CYP4F3: variants seen among roughly 807,000 people sequenced by gnomAD.
CYP4F3 encodes the protein cytochrome P450 4F3.
CYP4F3 carries 50 observed loss-of-function variants against 54.8 expected under a neutral mutation model. The observed-to-expected ratio is 0.91, with a 90% CI of 0.73 to 1.16. The LOEUF is 1.16. Ranked by LOEUF, CYP4F3 falls within the 50% of genes most tolerant of loss-of-function variation. The pLI, the probability that CYP4F3 is intolerant of heterozygous loss-of-function variation, is 0.00. For synonymous variants in CYP4F3, 244 were observed against 262.6 expected, an observed-to-expected ratio of 0.93 and a Z score of 0.69; for missense variants, 715 against 676.2, an observed-to-expected ratio of 1.06 and a Z score of -0.64.
chr19:15,645,214 C>A (rs769388687), intron 2 of CYP4F3, among the ~76,000 whole-genome samples: 1 of 152,228 alleles, frequency 6.6e-6, no homozygotes, highest in Non-Finnish European at 1.5e-5. Flanking sequence ...CCAGAAAAGG[C>A]CCATGATTTA....
intron 9 of CYP4F3, 105 bp downstream of exon 9, chr19:15,653,057 C>T (rs1429878435): frequency 6.8e-7 from 1 of 1,465,232 alleles, no homozygotes; most frequent in Admixed American, 2.3e-5. Context: ...GCCACTATTG[C>T]TTAGTGGGAA....
intron 5 of CYP4F3, among the ~76,000 whole-genome samples, chr19:15,648,275 C>T (rs1305132443): frequency 6.6e-6 from 1 of 151,932 alleles, no homozygotes; most frequent in Non-Finnish European, 1.5e-5. Context: ...TGTTAGATTG[C>T]ACTTCTTCTC....
chr19:15,645,886 C>A, intron 3 of CYP4F3, 23 bp downstream of exon 3: 1 of 1,582,814 alleles, frequency 6.3e-7, no homozygotes, highest in South Asian at 1.2e-5. Context: ...CTGGCCACTC[C>A]AGGTAGACAC....
At chr19:15,658,863 G>A in intron 12 of CYP4F3, 54 bp downstream of exon 12, 1 of 1,590,944 alleles carries the variant, frequency 6.3e-7, no homozygotes, top group Non-Finnish European at 8.6e-7. Context: ...CAGGGGTCTG[G>A]GCATGACAGT....
chr19:15,645,663 C>T lies in CYP4F3; in HGVS notation c.199-56C>T, dbSNP rs552368186. Reference sequence around the variant, plus strand: ...GGGCTTCCACCTCTTCCCTGCAGATCCTTCTCTCTCGCAGCCTAGGAGAGC... The same window carrying T: ...GGGCTTCCACCTCTTCCCTGCAGATTCTTCTCTCTCGCAGCCTAGGAGAGC... On this transcript the variant is annotated intron_variant, in intron 2 of 12. Transcript: ENST00000221307. 3.9e-6 allele frequency: 6 copies of T among 1,528,832 alleles called. No individual in the cohort carries two copies. In the East Asian group the frequency reaches 9.2e-5, roughly 23 times the overall value. 94.7% of individuals were successfully genotyped at this position (1,528,832 alleles called of 1,614,324 possible). A position where few individuals can be genotyped will look rare whatever the true frequency, so the allele number is the denominator to read the frequency against.
intron 9 of CYP4F3, among the ~76,000 whole-genome samples, chr19:15,654,498 C>T (rs1334778349): frequency 1.3e-5 from 2 of 152,194 alleles, no homozygotes; most frequent in Non-Finnish European, 2.9e-5. Flanking sequence ...AACTCAAATT[C>T]GTACCCATTA....
intron 5 of CYP4F3, among the ~76,000 whole-genome samples, chr19:15,648,110 C>T (rs369261563): frequency 3.3e-5 from 5 of 151,852 alleles, no homozygotes; most frequent in South Asian, 2.1e-4. Context: ...AGAATTGGGG[C>T]GAAGGTTTTG....
chr19:15,658,347 G>T lies in CYP4F3; in HGVS notation c.1199G>T (p.Arg400Leu). 1 of 1,614,102 alleles carries T rather than the reference G, an allele frequency of 6.2e-7. No homozygotes were observed. Among genetic ancestry groups the T allele is most frequent in the Non-Finnish European group, 8.5e-7 (1 of 1,180,014 alleles). The change falls in exon 10 of 13, where the codon CGC (arginine) becomes CTC (leucine). Residue 400 changes from arginine to leucine, a missense_variant. Transcript: ENST00000221307. ...CATCCCCCAGTCCCTGCCGTCTCTC[G>T]CTGCTGCACCCAAGACATTGTGCTC... ...RLHPPVPAVS[R>L]CCTQDIVLPD...
In CYP4F3 at chr19:15,660,552, G is replaced by A. The variant is rs1973159330; in HGVS notation, c.*1167G>A. The A allele has an allele frequency of 1.2e-5, 1 of 81,140 alleles. No individual in the cohort carries two copies. Among genetic ancestry groups the A allele is most frequent in the Non-Finnish European group, 2.4e-5 (1 of 42,436 alleles). 5.0% of individuals were successfully genotyped at this position (81,140 alleles called of 1,614,324 possible). A position where few individuals can be genotyped will look rare whatever the true frequency, so the allele number is the denominator to read the frequency against. ...CTGGACGTTAACTCTCTTGCTCAAG[G>A]TCACTCTGAGTGGAAGAGTGGGGAT... On this transcript the variant is annotated 3_prime_UTR_variant, in exon 13 of 13. Coordinates refer to ENST00000221307, the MANE Select transcript of CYP4F3 (RefSeq NM_000896.3).
chr19:15,659,074 C>T (rs900558081), intron 12 of CYP4F3, 146 bp from the exon 13 acceptor site: 54 of 1,274,458 alleles, frequency 4.2e-5, no homozygotes, highest in Admixed American at 8.1e-5. Flanking sequence ...TATGCAAGCC[C>T]ACATGGGGAT....
chr19:15,658,706 C>A (rs1047458729), intron 11 of CYP4F3, 21 bp from the exon 12 acceptor site: 26 of 1,613,542 alleles, frequency 1.6e-5, no homozygotes, highest in Non-Finnish European at 2.2e-5. Context: ...ACCCGGCAAC[C>A]CTTCTTGGTC....
In CYP4F3 at chr19:15,659,290, C is replaced by T. The variant is rs1015611972; in HGVS notation, c.1468C>T (p.Arg490Cys). ...CCTGGGGCTCACGCTGCTGCGCTTC[C>T]GCGTCCTGCCTGACCACACCGAGCC... is the stretch of plus-strand genomic sequence containing the variant. ...VVLGLTLLRF[R>C]VLPDHTEPRR... Residue 490 changes from arginine (R) to cysteine (C), a missense_variant, in exon 13 of 13, where the codon CGC becomes TGC. Physicochemically the swap from Arg to Cys is radical, Grantham distance 180. Coordinates refer to ENST00000221307, the MANE Select transcript of CYP4F3 (RefSeq NM_000896.3). 12 of 1,613,470 alleles carry T rather than the reference C, an allele frequency of 7.4e-6. No homozygotes were observed. The Admixed American group carries it at 1.0e-4, about 13-fold the overall frequency.
rs28371536 is a variant in CYP4F3, at chr19:15,650,073, G to A, written c.808G>A (p.Val270Ile). The change falls in exon 7 of 13, where the codon GTC becomes ATC. Residue 270 changes from valine (V) to isoleucine (I), a missense_variant. Val to Ile is a conservative substitution (Grantham distance 29). Transcript: ENST00000221307. ...CRLVHDFTDAVIQERRRTLPS... is the reference protein window; with the variant it reads ...CRLVHDFTDAIIQERRRTLPS... Reference sequence around the variant, plus strand: ...CCTGGTGCACGACTTCACAGATGCCGTCATCCAGGAGCGGCGCCGCACCCT... The same window carrying A: ...CCTGGTGCACGACTTCACAGATGCCATCATCCAGGAGCGGCGCCGCACCCT... 8.1e-3 allele frequency: 13,016 copies of A among 1,614,152 alleles called. 60 individuals carry two copies. Among genetic ancestry groups the A allele is most frequent in the Non-Finnish European group, 9.5e-3 (11,241 of 1,180,012 alleles).
rs1032893108 is a variant in CYP4F3, at chr19:15,662,100, G to C, written c.*2715G>C. The C allele has an allele frequency of 6.6e-6, 1 of 151,588 alleles. No individual in the cohort carries two copies. The highest frequency in any genetic ancestry group is 6.6e-5 in the Admixed American group (1 of 15,216). The allele number at this position is 151,588 out of a possible 1,614,324, so 9.4% of individuals were successfully genotyped here. On this transcript the variant is annotated 3_prime_UTR_variant, in exon 13 of 13. Coordinates refer to ENST00000221307, the MANE Select transcript of CYP4F3 (RefSeq NM_000896.3). Reference sequence around the variant, plus strand: ...AGCCTGGCCAATATGGTGAAACCACGTCTCTATTAAAAATAGAAAAATTAG... The same window carrying C: ...AGCCTGGCCAATATGGTGAAACCACCTCTCTATTAAAAATAGAAAAATTAG...
chr19:15,656,761 T>C (rs1973035916), intron 9 of CYP4F3, among the ~76,000 whole-genome samples: 1 of 94,710 alleles, frequency 1.1e-5, no homozygotes, highest in African/African-American at 4.4e-5. Flanking sequence ...TCTATCTATC[T>C]ATCTATCATC....
In CYP4F3 at chr19:15,641,445, C is replaced by T. The variant is rs769468302; in HGVS notation, c.30C>T (p.Gly10=). 6 of 1,614,202 alleles carry T rather than the reference C, an allele frequency of 3.7e-6. No homozygotes were observed. In the South Asian group the frequency reaches 6.6e-5, roughly 18 times the overall value. MPQLSLSSL[G]LWPMAASPWL... ...CACAGCTGAGCCTGTCCTCGCTGGG[C>T]CTTTGGCCAATGGCAGCATCCCCGT... is the stretch of plus-strand genomic sequence containing the variant. The change falls in exon 2 of 13, where the codon GGC becomes GGT. Residue 10 remains glycine, a synonymous_variant. Transcript: ENST00000221307.
At chr19:15,648,494 G>T (rs1226531367) in intron 5 of CYP4F3, among the ~76,000 whole-genome samples, 2 of 152,046 alleles carry the variant, frequency 1.3e-5, no homozygotes, top group South Asian at 2.1e-4. Flanking sequence ...GAACATCAGC[G>T]TGTTGCATTT....
At chr19:15,653,766 GAGAGAGA>G (rs1972937491) in intron 9 of CYP4F3, among the ~76,000 whole-genome samples, 4 of 150,956 alleles carry the variant, frequency 2.6e-5, no homozygotes, top group Admixed American at 6.6e-5. Flanking sequence ...GAGAGAGAGA[GAGAGAGA>G]GAGAGAGAGA....
chr19:15,656,203 C>T (rs1461719322), intron 9 of CYP4F3, among the ~76,000 whole-genome samples: 1 of 152,062 alleles, frequency 6.6e-6, no homozygotes, highest in East Asian at 1.9e-4. Context: ...CTTCACTTAG[C>T]ATGAGTTCCT....
Sources: gnomAD v4.1 joint callset for allele counts (sites outside exome capture counted in the v4.1 genomes callset) on GRCh38, gnomAD v4.1.1 for gene constraint, MANE v1.5 for transcripts, NCBI Gene and HGNC (gene_info 2026-07-23, HGNC 2026-07-21) for gene names.